ATP2B1: variants seen among roughly 807,000 people sequenced by gnomAD.
ATP2B1 encodes ATPase plasma membrane Ca2+ transporting 1.
In ATP2B1, 14 loss-of-function variants were observed where a neutral mutation model predicts 124.2. The ratio of observed to expected loss-of-function variants is 0.11; its 90% CI spans 0.07 to 0.18. The LOEUF (loss-of-function observed/expected upper bound fraction) is 0.18. Among genes scored for constraint, ATP2B1 ranks in the 10% least tolerant of loss-of-function variants. The pLI is 1.00. For missense variants in ATP2B1, 763 were observed against 1,466.1 expected (o/e 0.52, Z 7.83); for synonymous variants, 449 against 492.4 (o/e 0.91, Z 1.17).
At chr12:89,628,998 A>ACAT (rs750147789) in intron 6 of ATP2B1, among the ~76,000 whole-genome samples, 4 of 152,102 alleles carry the variant, frequency 2.6e-5, no homozygotes, top group Non-Finnish European at 5.9e-5. Flanking sequence ...TAAAAAAAAA[A>ACAT]CAACAACAAC....
At chr12:89,621,430 G>A (rs1879944766) in intron 10 of ATP2B1, 119 bp downstream of exon 10, 1 of 727,958 alleles carries the variant, frequency 1.4e-6, no homozygotes, top group African/African-American at 1.8e-5. Context: ...ATAAATATAT[G>A]CCTTTTAAAA....
In ATP2B1 at chr12:89,617,022, C is replaced by G. The variant is rs1014658407; in HGVS notation, c.1847G>C (p.Ser616Thr). The G allele has an allele frequency of 6.2e-7, 1 of 1,613,718 alleles. No homozygotes were observed. The highest frequency in any genetic ancestry group is 8.5e-7 in the Non-Finnish European group (1 of 1,179,752). Residue 616 changes from serine to threonine, a missense_variant, in exon 12 of 21, where the codon AGT becomes ACT. Around this residue, in one of 7 missense-constraint regions of ATP2B1, gnomAD observed 392 missense variants for 776.6 expected, o/e 0.50. Coordinates refer to ENST00000428670, the MANE Select transcript of ATP2B1 (RefSeq NM_001366521.1). ...IILKKCFKIL[S>T]ANGEAKVFRP... ...GAATACTTTTGCCTCACCATTAGCA[C>G]TCAAGATTTTGAAACACCTAAAAGG...
chr12:89,616,854 G>T lies in ATP2B1; in HGVS notation c.2015C>A (p.Thr672Asn). The part of the protein sequence containing the change: ...PEWDNENDIV[T>N]GLTCIAVVGI... ...CACAACAGCAATGCATGTAAGGCCG[G>T]TGACAATATCATTTTCATTATCCCA... The change falls in exon 12 of 21, where the codon ACC (threonine) becomes AAC (asparagine). Residue 672 changes from threonine to asparagine, a missense_variant. Thr to Asn is a moderately conservative substitution (Grantham distance 65). Transcript: ENST00000428670. The T allele has an allele frequency of 6.2e-7, 1 of 1,614,102 alleles. No homozygotes were observed. Among genetic ancestry groups the T allele is most frequent in the Non-Finnish European group, 8.5e-7 (1 of 1,179,964 alleles).
intron 1 of ATP2B1, among the ~76,000 whole-genome samples, chr12:89,680,664 G>A (rs11105368): frequency 6.6e-6 from 1 of 151,972 alleles, no homozygotes; most frequent in African/African-American, 2.4e-5. Context: ...AACAGAACTA[G>A]TATTTAAAAA....
Position 89,647,328 on chromosome 12 carries a change from T to C in ATP2B1, c.209-4973A>G, listed in dbSNP as rs1250674328. On this transcript the variant is annotated intron_variant, in intron 2 of 20. Coordinates refer to ENST00000428670, the MANE Select transcript of ATP2B1 (RefSeq NM_001366521.1). The stretch of plus-strand genomic sequence containing the variant: ...TGCTTTTGGGGTCTGACTCCATCAT[T>C]GTTTGGAGAAATAAAAGTCTATATT... 2.6e-5 allele frequency among the ~76,000 whole-genome samples: 4 copies of C among 152,204 alleles called. No homozygotes were observed. In the East Asian group the frequency reaches 7.7e-4, roughly 29 times the overall value.
rs1361555964 is a variant in ATP2B1 at position 89,630,634 on chromosome 12, T to C, written c.799A>G (p.Met267Val). The C allele has an allele frequency of 2.5e-6, 4 of 1,577,142 alleles. No homozygotes were observed. The highest frequency in any genetic ancestry group is 2.6e-6 in the Non-Finnish European group (3 of 1,161,232). ...DPLLLSGTHV[M>V]EGSGRMVVTA... The stretch of plus-strand genomic sequence containing the variant: ...ACTACCATTCTTCCAGAGCCTTCCA[T>C]TACATGAGTACCTATAACCAAAAAC... Residue 267 changes from methionine (M) to valine (V), a missense_variant, in exon 6 of 21, where the codon ATG becomes GTG. Around this residue, in one of 7 missense-constraint regions of ATP2B1, gnomAD observed 392 missense variants for 776.6 expected, o/e 0.50. Transcript: ENST00000428670.
At chr12:89,641,884 T>G (rs1883573981) in intron 3 of ATP2B1, 4 of 313,862 alleles carry the variant, frequency 1.3e-5, no homozygotes, top group Non-Finnish European at 2.3e-5. Flanking sequence ...AAAGACCATG[T>G]CATATACATG....
chr12:89,659,738 C>T (rs1429868272), intron 1 of ATP2B1, among the ~76,000 whole-genome samples: 2 of 151,716 alleles, frequency 1.3e-5, no homozygotes, highest in Admixed American at 6.6e-5. Flanking sequence ...CTGGCTAACA[C>T]GGTGAAACCC....
At chr12:89,623,786 G>A (rs997017662) in intron 9 of ATP2B1, among the ~76,000 whole-genome samples, 2 of 152,160 alleles carry the variant, frequency 1.3e-5, no homozygotes, top group African/African-American at 4.8e-5. Context: ...CTGACTGAAA[G>A]GTTTTACACA....
At chr12:89,681,714 T>C (rs1052814054) in intron 1 of ATP2B1, among the ~76,000 whole-genome samples, 2 of 152,192 alleles carry the variant, frequency 1.3e-5, no homozygotes, top group Non-Finnish European at 2.9e-5. Context: ...GTGGAATTTA[T>C]ACCAGGAATA....
Position 89,656,101 on chromosome 12 carries a change from T to C in ATP2B1, c.-215A>G, listed in dbSNP as rs1028339078. 1.5e-5 allele frequency: 7 copies of C among 471,668 alleles called. No homozygotes were observed. Among genetic ancestry groups the C allele is most frequent in the East Asian group, 6.1e-5 (2 of 32,850 alleles). The allele number at this position is 471,668 out of a possible 1,614,324, so 29.2% of individuals were successfully genotyped here. ...GTTTCTCCATATCAATCATGAGATATACACATCTGTAAGAAGAAAATATTT... is the reference window on the plus strand; with the variant it reads ...GTTTCTCCATATCAATCATGAGATACACACATCTGTAAGAAGAAAATATTT... On this transcript the variant is annotated 5_prime_UTR_variant, in exon 2 of 21. Coordinates refer to ENST00000428670, the MANE Select transcript of ATP2B1 (RefSeq NM_001366521.1).
intron 3 of ATP2B1, among the ~76,000 whole-genome samples, chr12:89,640,586 T>A (rs1338647065): frequency 6.6e-6 from 1 of 151,848 alleles, no homozygotes; most frequent in Non-Finnish European, 1.5e-5. Flanking sequence ...CCTAGGTACA[T>A]CTTATAAATA....
intron 20 of ATP2B1, chr12:89,594,454 TTTAAAATTCAATTCCTA>T (rs1874184857): frequency 6.6e-6 from 1 of 151,924 alleles, no homozygotes; most frequent in Non-Finnish European, 1.5e-5. Flanking sequence ...TTTATCCAGT[TTTAAAATTCAATTCCTA>T]TTTATTAACT....
At chr12:89,684,885 C>A (rs1000020556) in intron 1 of ATP2B1, among the ~76,000 whole-genome samples, 2 of 152,096 alleles carry the variant, frequency 1.3e-5, no homozygotes, top group African/African-American at 4.8e-5. Flanking sequence ...CCATTGTTTA[C>A]AGTTGTATTT....
chr12:89,667,901 T>C (rs1324870887), intron 1 of ATP2B1, among the ~76,000 whole-genome samples: 3 of 152,168 alleles, frequency 2.0e-5, no homozygotes, highest in African/African-American at 4.8e-5. Context: ...AAAATTCATA[T>C]GGAACCAAAA....
chr12:89,594,518 C>T (rs970156533), intron 20 of ATP2B1: 9 of 150,574 alleles, frequency 6.0e-5, no homozygotes, highest in East Asian at 1.9e-4. Flanking sequence ...TTATACCCCT[C>T]GAAATTATCA....
chr12:89,670,308 T>C (rs73198550), intron 1 of ATP2B1, among the ~76,000 whole-genome samples: 21,476 of 150,480 alleles, frequency 0.14, 1,891 homozygotes, highest in Non-Finnish European at 0.2. Flanking sequence ...TAACAATAAA[T>C]AAAAAATAAA....
intron 2 of ATP2B1, among the ~76,000 whole-genome samples, chr12:89,644,847 G>C (rs1314504013): frequency 6.6e-6 from 1 of 152,078 alleles, no homozygotes; most frequent in Admixed American, 6.6e-5. Flanking sequence ...TAACATATTG[G>C]TTATAACAGG....
At chr12:89,650,563 A>C (rs1885113733) in intron 2 of ATP2B1, among the ~76,000 whole-genome samples, 1 of 152,164 alleles carries the variant, frequency 6.6e-6, no homozygotes, top group Non-Finnish European at 1.5e-5. Context: ...CCTGGACCTA[A>C]TTTCAGCAAC....
Sources: gnomAD v4.1 joint callset for allele counts (sites outside exome capture counted in the v4.1 genomes callset) on GRCh38, gnomAD v4.1.1 for gene constraint, gnomAD v4.1.1 regional missense constraint, MANE v1.5 for transcripts, NCBI Gene and HGNC (gene_info 2026-07-23, HGNC 2026-07-21) for gene names.